The following ARHGAP26 variants were observed in gnomAD, a reference collection of about 807,000 sequenced individuals.
The protein encoded by ARHGAP26 is rho GTPase-activating protein 26.
A neutral mutation model predicts 104.8 loss-of-function variants in ARHGAP26; 38 were observed. The ratio of observed to expected loss-of-function variants is 0.36; its 90% CI spans 0.28 to 0.48. The LOEUF (loss-of-function observed/expected upper bound fraction) is 0.48, where lower values mean the gene tolerates loss of function less well. Ranked by LOEUF, ARHGAP26 falls within the 20% of genes least tolerant of loss-of-function variation. ARHGAP26 has a pLI of 0.99. For synonymous variants in ARHGAP26, 341 were observed against 340.0 expected (o/e 1.00, Z -0.03); for missense variants, 704 against 947.9 (o/e 0.74, Z 3.38).
intron 11 of ARHGAP26, among the ~76,000 whole-genome samples, chr5:142,980,260 G>C (rs528250628): frequency 6.6e-6 from 1 of 152,112 alleles, no homozygotes; most frequent in Non-Finnish European, 1.5e-5. Flanking sequence ...AAAGCATTTC[G>C]TTGTACAGAA....
intron 10 of ARHGAP26, among the ~76,000 whole-genome samples, chr5:142,917,314 C>T (rs766788220): frequency 2.6e-5 from 4 of 152,182 alleles, no homozygotes; most frequent in Non-Finnish European, 4.4e-5. Context: ...GCTGGGATTA[C>T]AGGCGTGAGC....
chr5:142,781,916 C>T (rs1757588757), intron 1 of ARHGAP26, among the ~76,000 whole-genome samples: 1 of 152,070 alleles, frequency 6.6e-6, no homozygotes, highest in Non-Finnish European at 1.5e-5. Context: ...GGGGTTTCAC[C>T]GTGTTACTCA....
intron 11 of ARHGAP26, among the ~76,000 whole-genome samples, chr5:142,978,154 G>A (rs994890056): frequency 3.3e-5 from 5 of 152,200 alleles, no homozygotes; most frequent in East Asian, 3.9e-4. Flanking sequence ...GGGTCGGATC[G>A]CTTCTCCTTG....
intron 21 of ARHGAP26, among the ~76,000 whole-genome samples, chr5:143,212,460 G>T (rs1562621510): frequency 6.6e-6 from 1 of 152,024 alleles, no homozygotes. Context: ...TTGGCTCACA[G>T]GCAGTGCCCC....
At chr5:142,904,658 T>C (rs1760863049) in intron 8 of ARHGAP26, among the ~76,000 whole-genome samples, 1 of 152,164 alleles carries the variant, frequency 6.6e-6, no homozygotes, top group Admixed American at 6.5e-5. Context: ...AAAGGCTCTG[T>C]GATGGGGCCG....
intron 19 of ARHGAP26, among the ~76,000 whole-genome samples, chr5:143,139,945 A>G (rs1467330165): frequency 2.6e-5 from 4 of 152,220 alleles, no homozygotes; most frequent in Admixed American, 2.6e-4. Flanking sequence ...GATTTCTTCC[A>G]AGGGTTTGCA....
chr5:143,122,667 G>T (rs1204493753), intron 18 of ARHGAP26, among the ~76,000 whole-genome samples: 2 of 152,206 alleles, frequency 1.3e-5, no homozygotes, highest in South Asian at 2.1e-4. Flanking sequence ...AGAACAAAAA[G>T]CAGATTAATT....
intron 21 of ARHGAP26, among the ~76,000 whole-genome samples, chr5:143,208,692 C>T (rs1033271348): frequency 1.5e-4 from 23 of 152,340 alleles, no homozygotes; most frequent in African/African-American, 5.3e-4. Flanking sequence ...CCTCCAAACA[C>T]GTGGGTAACC....
intron 11 of ARHGAP26, among the ~76,000 whole-genome samples, chr5:143,005,058 G>A (rs759356367): frequency 1.3e-5 from 2 of 151,986 alleles, no homozygotes; most frequent in Admixed American, 6.6e-5. Context: ...TCCCTATAAA[G>A]CACAAGTAGG....
chr5:143,169,256 A>G (rs759926547), intron 20 of ARHGAP26, among the ~76,000 whole-genome samples: 6 of 152,252 alleles, frequency 3.9e-5, no homozygotes, highest in Non-Finnish European at 1.5e-5. Flanking sequence ...AGATTTACCC[A>G]TCAGTGTTCT....
chr5:143,183,391 C>T (rs1468174091), intron 20 of ARHGAP26, among the ~76,000 whole-genome samples: 4 of 152,088 alleles, frequency 2.6e-5, no homozygotes, highest in Non-Finnish European at 5.9e-5. Flanking sequence ...GAGCCGTGTG[C>T]TCCGTGACCT....
intron 19 of ARHGAP26, among the ~76,000 whole-genome samples, chr5:143,138,761 G>A (rs1798189321): frequency 6.6e-6 from 1 of 152,142 alleles, no homozygotes. Flanking sequence ...GTGGTTTCTT[G>A]TGTTGGACAT....
chr5:143,005,036 T>G (rs1424986530), intron 11 of ARHGAP26, among the ~76,000 whole-genome samples: 3 of 152,178 alleles, frequency 2.0e-5, no homozygotes, highest in Non-Finnish European at 4.4e-5. Context: ...TTTTTCTCCT[T>G]CACTCTAGAG....
intron 11 of ARHGAP26, among the ~76,000 whole-genome samples, chr5:143,006,273 G>A (rs1371056946): frequency 6.6e-6 from 1 of 150,980 alleles, no homozygotes; most frequent in Non-Finnish European, 1.5e-5. Context: ...TTTTCTGTCT[G>A]GCCAATGCAT....
intron 12 of ARHGAP26, among the ~76,000 whole-genome samples, chr5:143,022,091 A>ATT (rs11462785): frequency 3.3e-5 from 5 of 151,916 alleles, no homozygotes; most frequent in South Asian, 2.1e-4. Context: ...TATTTCATTT[A>ATT]TTTTTTTGAG....
intron 20 of ARHGAP26, among the ~76,000 whole-genome samples, chr5:143,154,098 TGA>T (rs1174160635): frequency 6.6e-6 from 1 of 151,242 alleles, no homozygotes; most frequent in Non-Finnish European, 1.5e-5. Context: ...AAATGTCAAT[TGA>T]ACTCCTACTG....
At chr5:143,105,939 A>ATT (rs558561120) in intron 17 of ARHGAP26, among the ~76,000 whole-genome samples, 2 of 147,730 alleles carry the variant, frequency 1.4e-5, no homozygotes, top group African/African-American at 4.9e-5. Flanking sequence ...AGTATGAGTG[A>ATT]TTTTTTTTTT....
In ARHGAP26 at chr5:143,070,031, G is replaced by C. The variant is rs188879166; in HGVS notation, c.1538+12284G>C. 2.0e-4 allele frequency among the ~76,000 whole-genome samples: 30 copies of C among 152,232 alleles called. No homozygotes were observed. The East Asian group carries it at 5.0e-3, about 25-fold the overall frequency. On this transcript the variant is annotated intron_variant, in intron 17 of 22. Coordinates refer to ENST00000645722, the MANE Select transcript of ARHGAP26 (RefSeq NM_001135608.3). ...CTCCAGTGGTGTTTGGTGGAGTGCCGATGGTAGCTTCTTGGTTCACCAGTC... is the reference window on the plus strand; with the variant it reads ...CTCCAGTGGTGTTTGGTGGAGTGCCCATGGTAGCTTCTTGGTTCACCAGTC...
chr5:142,819,897 C>A (rs1157204877), intron 1 of ARHGAP26, among the ~76,000 whole-genome samples: 7 of 151,980 alleles, frequency 4.6e-5, no homozygotes, highest in Admixed American at 4.6e-4. Flanking sequence ...GTGTTGCATA[C>A]ACCAGGGTTC....
Sources: allele counts gnomAD v4.1 joint callset (sites outside exome capture counted in the v4.1 genomes callset), GRCh38; gene constraint gnomAD v4.1.1; transcripts MANE v1.5; gene names NCBI Gene and HGNC (gene_info 2026-07-23, HGNC 2026-07-21).